The following KIAA1586 variants were observed in gnomAD, a reference collection of about 807,000 sequenced individuals.
KIAA1586 encodes KIAA1586.
A neutral mutation model predicts 6.1 loss-of-function variants in KIAA1586; 5 were observed. That is an observed-to-expected ratio of 0.82 (90% CI 0.43 to 1.73). The LOEUF is 1.73. Among genes scored for constraint, KIAA1586 ranks in the 40% most tolerant of loss-of-function variants. The pLI is 0.02. For synonymous variants in KIAA1586, 280 were observed against 301.7 expected (o/e 0.93, Z 0.75); for missense variants, 899 against 878.2 (o/e 1.02, Z -0.30).
rs747974820 is a variant in KIAA1586, at chr6:57,053,352, C to T, written c.853C>T (p.Arg285Cys). 26 of 1,611,618 alleles carry T rather than the reference C, an allele frequency of 1.6e-5. No individual in the cohort carries two copies. Among genetic ancestry groups the T allele is most frequent in the African/African-American group, 2.7e-5 (2 of 74,768 alleles). ...TGGAGAGGTAAATTGTTTAAATACA[C>T]GTTACAGTGCAACAAGAATAGCAGA... ...KNGEVNCLNT[R>C]YSATRIAEHI... The change falls in exon 4 of 4, where the codon CGT becomes TGT. Residue 285 changes from arginine to cysteine, a missense_variant. By Grantham distance (180) the Arg-to-Cys change is radical. Coordinates refer to ENST00000370733, the MANE Select transcript of KIAA1586 (RefSeq NM_020931.4).
chr6:57,052,441 C>G (rs1173840903), intron 3 of KIAA1586, among the ~76,000 whole-genome samples: 2 of 152,000 alleles, frequency 1.3e-5, no homozygotes, highest in Non-Finnish European at 2.9e-5. Context: ...AACCATTTTG[C>G]TAATTGGATG....
At chr6:57,059,185 CACTT>C (rs1461594967), downstream of KIAA1586, among the ~76,000 whole-genome samples, 1 of 152,080 alleles carries the variant, frequency 6.6e-6, no homozygotes, top group Admixed American at 6.5e-5. Flanking sequence ...CAAATTATCA[CACTT>C]AATAACTATA....
rs199923358 is a variant in KIAA1586 at position 57,053,278 on chromosome 6, A to G, written c.779A>G (p.Asn260Ser). ...ACTGTTTACAGTTTAGTAAAACATA[A>G]CAGACCTTTATCTGATATTGAGGGG... ...FNTVYSLVKH[N>S]RPLSDIEGAR... is the part of the protein sequence containing the mutation. Residue 260 changes from asparagine to serine, a missense_variant, in exon 4 of 4, where the codon AAC becomes AGC. Asn to Ser is a conservative substitution (Grantham distance 46, BLOSUM62 1). Transcript: ENST00000370733. 312 of 1,609,210 alleles carry G rather than the reference A, an allele frequency of 1.9e-4. No homozygotes were observed. In the Middle Eastern group the frequency reaches 7.6e-3, roughly 39 times the overall value.
At chr6:57,058,494 T>TC (rs1262833090), downstream of KIAA1586, among the ~76,000 whole-genome samples, 1 of 152,200 alleles carries the variant, frequency 6.6e-6, no homozygotes, top group Admixed American at 6.5e-5. Context: ...TACTGTTAAC[T>TC]CCAAGATTTT....
At position 57,054,979 on chromosome 6, in the gene KIAA1586, T is replaced by C; in HGVS notation, c.*116T>C. On this transcript the variant is annotated 3_prime_UTR_variant, in exon 4 of 4. Coordinates refer to ENST00000370733, the MANE Select transcript of KIAA1586 (RefSeq NM_020931.4). The stretch of plus-strand genomic sequence containing the variant: ...AAACTTTTATCAGCATGTTGCTGTT[T>C]AAAAGGCGTTCTTTAAGAAGATAAT... 8.7e-7 allele frequency: 1 copy of C among 1,150,930 alleles called. No individual in the cohort carries two copies. The highest frequency in any genetic ancestry group is 1.2e-6 in the Non-Finnish European group (1 of 841,984). The allele number at this position is 1,150,930 out of a possible 1,614,324, so 71.3% of individuals were successfully genotyped here.
the KIAA1586 span, among the ~76,000 whole-genome samples, chr6:57,064,638 G>A: frequency 6.6e-6 from 1 of 152,188 alleles, no homozygotes; most frequent in Non-Finnish European, 1.5e-5. Context: ...TCCTGGACCA[G>A]CAGTTTGCAG....
At position 57,054,117 on chromosome 6, in the gene KIAA1586, T is replaced by A. The variant is rs750840614; in HGVS notation, c.1618T>A (p.Ser540Thr). ...IDILEEFSVL[S>T]TALQSRSTNI... The stretch of plus-strand genomic sequence containing the variant: ...CATTCTTGAAGAATTTTCAGTACTT[T>A]CAACTGCATTACAGTCAAGATCAAC... The change falls in exon 4 of 4, where the codon TCA becomes ACA. Residue 540 changes from serine to threonine, a missense_variant. Physicochemically the swap from Ser to Thr is moderately conservative, Grantham distance 58. Transcript: ENST00000370733. The A allele has an allele frequency of 1.2e-6, 2 of 1,607,700 alleles. No individual in the cohort carries two copies. Among genetic ancestry groups the A allele is most frequent in the Admixed American group, 3.4e-5 (2 of 58,560 alleles).
chr6:57,053,031 G>T lies in KIAA1586; in HGVS notation c.532G>T (p.Val178Phe), dbSNP rs765367160. The change falls in exon 4 of 4, where the codon GTC becomes TTC. Residue 178 changes from valine to phenylalanine, a missense_variant. Physicochemically the swap from Val to Phe is conservative, Grantham distance 50 (BLOSUM62 -1). Coordinates refer to ENST00000370733, the MANE Select transcript of KIAA1586 (RefSeq NM_020931.4). ...RHLGSKAEKH[V>F]HVSKEWIAYL... Reference sequence around the variant, plus strand: ...TTTGGGATCGAAAGCAGAAAAGCATGTCCATGTGTCCAAGGAATGGATTGC... The same window carrying T: ...TTTGGGATCGAAAGCAGAAAAGCATTTCCATGTGTCCAAGGAATGGATTGC... The T allele has an allele frequency of 2.5e-6, 4 of 1,613,722 alleles. No individual in the cohort carries two copies. In the East Asian group the frequency reaches 8.9e-5, roughly 36 times the overall value.
the KIAA1586 span, among the ~76,000 whole-genome samples, chr6:57,060,414 A>G: frequency 6.6e-6 from 1 of 152,176 alleles, no homozygotes; most frequent in African/African-American, 2.4e-5. Flanking sequence ...ACTCACTGCA[A>G]GGGAATGTTG....
Position 57,054,796 on chromosome 6 carries a change from C to G in KIAA1586, c.2297C>G (p.Thr766Arg), listed in dbSNP as rs778225953. 13 of 1,551,136 alleles carry G rather than the reference C, an allele frequency of 8.4e-6. No individual in the cohort carries two copies. The highest frequency in any genetic ancestry group is 8.3e-5 in the South Asian group (7 of 84,040). ...SNCNHRLATDTRVRQKSTKVF... is the reference protein window; with the variant it reads ...SNCNHRLATDRRVRQKSTKVF... ...TGCAACCACAGGTTGGCTACAGATA[C>G]AAGAGTTCGGCAAAAGTCAACAAAA... Residue 766 changes from threonine to arginine, a missense_variant, in exon 4 of 4, where the codon ACA becomes AGA. Physicochemically the swap from Thr to Arg is moderately conservative, Grantham distance 71. Transcript: ENST00000370733.
rs1415912815 is a variant in KIAA1586 at position 57,054,667 on chromosome 6, A to G, written c.2168A>G (p.Asn723Ser). ...LMNIICTRVRNSLTIDHVSDL... is the reference protein window; with the variant it reads ...LMNIICTRVRSSLTIDHVSDL... ...AACATAATTTGTACAAGGGTGAGAA[A>G]TAGTTTAACAATAGATCATGTATCA... Residue 723 changes from asparagine (N) to serine (S), a missense_variant, in exon 4 of 4, where the codon AAT (asparagine) becomes AGT (serine). Transcript: ENST00000370733. 3 of 1,559,326 alleles carry G rather than the reference A, an allele frequency of 1.9e-6. No homozygotes were observed. The highest frequency in any genetic ancestry group is 3.8e-5 in the Admixed American group (2 of 52,216).
downstream of KIAA1586, among the ~76,000 whole-genome samples, chr6:57,058,770 T>C (rs928036460): frequency 4.7e-4 from 72 of 152,322 alleles, no homozygotes; most frequent in African/African-American, 1.6e-3. Flanking sequence ...GTATTTGATG[T>C]CATGTAAATT....
chr6:57,054,928 TC>T lies in KIAA1586; in HGVS notation c.*66del. 2 of 1,379,464 alleles carry T rather than the reference TC, an allele frequency of 1.4e-6. No homozygotes were observed. The highest frequency in any genetic ancestry group is 1.9e-6 in the Non-Finnish European group (2 of 1,051,050). 85.5% of individuals were successfully genotyped at this position (1,379,464 alleles called of 1,614,324 possible). Reference sequence around the variant, plus strand: ...TACACATCCTTTATATACATAAAGGTCTTTTTTTTTTTTGGAAAGCCAGTTA... The same window carrying T: ...TACACATCCTTTATATACATAAAGGTTTTTTTTTTTTTGGAAAGCCAGTTA... On this transcript the variant is annotated 3_prime_UTR_variant, in exon 4 of 4. Coordinates refer to ENST00000370733, the MANE Select transcript of KIAA1586 (RefSeq NM_020931.4).
In KIAA1586 at chr6:57,053,809, T is replaced by G; in HGVS notation, c.1310T>G (p.Ile437Ser). The G allele has an allele frequency of 6.6e-7, 1 of 1,509,010 alleles. No individual in the cohort carries two copies. The highest frequency in any genetic ancestry group is 8.9e-7 in the Non-Finnish European group (1 of 1,117,626). 93.5% of individuals were successfully genotyped at this position (1,509,010 alleles called of 1,614,324 possible). A position where few individuals can be genotyped will look rare whatever the true frequency, so the allele number is the denominator to read the frequency against. ...GATTCTATATCCGAAATAAAACAAA[T>G]TAATCATTTAAAAATATTTATTGAT... is the stretch of plus-strand genomic sequence containing the variant. Reference protein sequence around the residue: ...LDDSISEIKQINHLKIFIDKI... With the variant: ...LDDSISEIKQSNHLKIFIDKI... The change falls in exon 4 of 4, where the codon ATT becomes AGT. Residue 437 changes from isoleucine to serine, a missense_variant. By Grantham distance (142) the Ile-to-Ser change is moderately radical (BLOSUM62 -2). Coordinates refer to ENST00000370733, the MANE Select transcript of KIAA1586 (RefSeq NM_020931.4).
chr6:57,054,920 C>T lies in KIAA1586; in HGVS notation c.*57C>T. 5 of 1,371,674 alleles carry T rather than the reference C, an allele frequency of 3.6e-6. No homozygotes were observed. The highest frequency in any genetic ancestry group is 1.8e-5 in the South Asian group (1 of 54,580). The allele number at this position is 1,371,674 out of a possible 1,614,324, so 85.0% of individuals were successfully genotyped here. On this transcript the variant is annotated 3_prime_UTR_variant, in exon 4 of 4. Coordinates refer to ENST00000370733, the MANE Select transcript of KIAA1586 (RefSeq NM_020931.4). ...TTATGTACTACACATCCTTTATATACATAAAGGTCTTTTTTTTTTTTGGAA... is the reference window on the plus strand; with the variant it reads ...TTATGTACTACACATCCTTTATATATATAAAGGTCTTTTTTTTTTTTGGAA...
At chr6:57,060,604 T>C in the KIAA1586 span, among the ~76,000 whole-genome samples, 1 of 152,124 alleles carries the variant, frequency 6.6e-6, no homozygotes, top group Non-Finnish European at 1.5e-5. Context: ...GTCTGTGCCC[T>C]CCGTCTGTTG....
chr6:57,063,787 T>C, the KIAA1586 span, among the ~76,000 whole-genome samples: 48 of 152,282 alleles, frequency 3.2e-4, no homozygotes, highest in Non-Finnish European at 5.9e-4. Context: ...ATAGTTATTA[T>C]TAACAATTTT....
At chr6:57,066,153 C>T in the KIAA1586 span, among the ~76,000 whole-genome samples, 14 of 151,392 alleles carry the variant, frequency 9.2e-5, no homozygotes, top group South Asian at 2.1e-3. Context: ...GTGGTGCATA[C>T]CTGTAATCCC....
intron 2 of KIAA1586, among the ~76,000 whole-genome samples, chr6:57,048,660 G>C (rs758820769): frequency 2.6e-5 from 4 of 152,128 alleles, no homozygotes; most frequent in Non-Finnish European, 4.4e-5. Context: ...TGGGTCTTTA[G>C]GAAAAATAAT....
Sources: gnomAD v4.1 joint callset for allele counts (sites outside exome capture counted in the v4.1 genomes callset) on GRCh38, gnomAD v4.1.1 for gene constraint, MANE v1.5 for transcripts, NCBI Gene and HGNC (gene_info 2026-07-23, HGNC 2026-07-21) for gene names.